Variants in HTN1 observed in about 807,000 individuals in gnomAD.
The protein encoded by HTN1 is histatin-1.
HTN1 carries 18 observed loss-of-function variants against 11.2 expected under a neutral mutation model. The observed-to-expected ratio is 1.61, with a 90% CI of 1.12 to 2.39. The LOEUF (loss-of-function observed/expected upper bound fraction) is 2.39. HTN1 is among the 30% of genes most tolerant of loss of function. The pLI is 0.00. For synonymous variants in HTN1, 21 were observed against 20.5 expected, an observed-to-expected ratio of 1.02 and a Z score of -0.07; for missense variants, 80 against 67.2, an observed-to-expected ratio of 1.19 and a Z score of -0.67.
At chr4:70,055,397 C>T (rs758661576) in intron 4 of HTN1, 101 bp from the exon 5 acceptor site, 3 of 828,634 alleles carry the variant, frequency 3.6e-6, no homozygotes, top group Non-Finnish European at 6.1e-6. Context: ...AAGGTCTTAA[C>T]AACTTTAGCA....
intron 1 of HTN1, among the ~76,000 whole-genome samples, chr4:70,051,300 A>C (rs1725886542): frequency 6.6e-6 from 1 of 152,138 alleles, no homozygotes; most frequent in Admixed American, 6.6e-5. Flanking sequence ...GTTATAATGC[A>C]AAGCATATAC....
intron 5 of HTN1, chr4:70,056,169 A>C (rs751808091): frequency 4.6e-5 from 7 of 152,012 alleles, no homozygotes; most frequent in Non-Finnish European, 1.0e-4. Flanking sequence ...ATCCTTTGTT[A>C]GCTGTATTTC....
Position 70,053,121 on chromosome 4 carries a change from C to A in HTN1, c.45C>A (p.Ser15=). ...VFALVLALMI[S]MISADSHEKR... is the part of the protein sequence containing the mutation. ...CTTTAGTCTTGGCTCTCATGATTTCCATGATTGTAAGTATATCTGGAAATT... is the reference window on the plus strand; with the variant it reads ...CTTTAGTCTTGGCTCTCATGATTTCAATGATTGTAAGTATATCTGGAAATT... The change falls in exon 2 of 6, where the codon TCC becomes TCA. Residue 15 remains serine (S), a synonymous_variant. Coordinates refer to ENST00000246896, the MANE Select transcript of HTN1 (RefSeq NM_002159.4). The A allele has an allele frequency of 1.9e-6, 3 of 1,603,386 alleles. No homozygotes were observed. The highest frequency in any genetic ancestry group is 2.6e-6 in the Non-Finnish European group (3 of 1,170,648).
At chr4:70,055,467 C>G (rs775869475) in intron 4 of HTN1, 31 bp from the exon 5 acceptor site, 6 of 1,453,030 alleles carry the variant, frequency 4.1e-6, no homozygotes, top group Non-Finnish European at 5.8e-6. Context: ...CTATTCTCTG[C>G]AATTTGCTCT....
chr4:70,058,749 A>G lies in HTN1; in HGVS notation c.*203A>G, dbSNP rs1437680660. On this transcript the variant is annotated 3_prime_UTR_variant, in exon 6 of 6. Coordinates refer to ENST00000246896, the MANE Select transcript of HTN1 (RefSeq NM_002159.4). ...TTCCCTTCCTAATTATCATTTGATT[A>G]GATACTTGCAATTTAAACTGTTAAG... 5.3e-5 allele frequency: 8 copies of G among 152,162 alleles called. No homozygotes were observed. The highest frequency in any genetic ancestry group is 1.9e-4 in the African/African-American group (8 of 41,458). 9.4% of individuals were successfully genotyped at this position (152,162 alleles called of 1,614,324 possible). A position where few individuals can be genotyped will look rare whatever the true frequency, so the allele number is the denominator to read the frequency against.
At chr4:70,056,672 A>G (rs1366381978) in intron 5 of HTN1, 1 of 152,184 alleles carries the variant, frequency 6.6e-6, no homozygotes, top group Non-Finnish European at 1.5e-5. Flanking sequence ...TCTACAAGGA[A>G]CTTAAACAAA....
intron 4 of HTN1, among the ~76,000 whole-genome samples, chr4:70,055,213 G>A (rs915105108): frequency 2.0e-5 from 3 of 152,004 alleles, no homozygotes; most frequent in Non-Finnish European, 2.9e-5. Flanking sequence ...ATATTTTAAA[G>A]AAGATTTGAA....
chr4:70,052,715 A>G (rs1196722734), intron 1 of HTN1, among the ~76,000 whole-genome samples: 6 of 151,996 alleles, frequency 3.9e-5, no homozygotes, highest in Non-Finnish European at 1.5e-5. Context: ...TTTTGAGAAG[A>G]CAAGGCAGGA....
At chr4:70,052,275 C>T (rs1165473039) in intron 1 of HTN1, among the ~76,000 whole-genome samples, 1 of 152,142 alleles carries the variant, frequency 6.6e-6, no homozygotes, top group Non-Finnish European at 1.5e-5. Flanking sequence ...AACTCTGGCT[C>T]ATAGTCACTG....
intron 5 of HTN1, 35 bp downstream of exon 5, chr4:70,055,637 T>G: frequency 1.1e-6 from 1 of 947,074 alleles, no homozygotes; most frequent in South Asian, 1.4e-5. Context: ...TTTCTAGAAG[T>G]GTCAACACTG....
chr4:70,055,911 G>A (rs1216620581), intron 5 of HTN1: 2 of 184,210 alleles, frequency 1.1e-5, no homozygotes, highest in Non-Finnish European at 2.2e-5. Context: ...GCTTACAATT[G>A]TCTTGGGTAT....
intron 5 of HTN1, chr4:70,057,336 G>A (rs1726069229): frequency 1.3e-5 from 2 of 152,120 alleles, no homozygotes; most frequent in African/African-American, 4.8e-5. Context: ...GCTGAACAGT[G>A]AGAACACGTG....
chr4:70,057,228 C>G (rs190665797), intron 5 of HTN1: 3 of 152,194 alleles, frequency 2.0e-5, no homozygotes, highest in Non-Finnish European at 2.9e-5. Context: ...GAGATCCTGT[C>G]CTTTGCAGGG....
In HTN1 at chr4:70,056,506, G is replaced by A. The variant is rs565537407; in HGVS notation, c.*33+904G>A. 3.3e-5 allele frequency: 5 copies of A among 152,222 alleles called. No individual in the cohort carries two copies. In the South Asian group the frequency reaches 1.0e-3, roughly 32 times the overall value. 9.4% of individuals were successfully genotyped at this position (152,222 alleles called of 1,614,324 possible). Reference sequence around the variant, plus strand: ...GACTTCATGTAAAAAAATGCCAAAAGCAATTGCAACAAAAGCCAAAATTGA... The same window carrying A: ...GACTTCATGTAAAAAAATGCCAAAAACAATTGCAACAAAAGCCAAAATTGA... On this transcript the variant is annotated intron_variant, in intron 5 of 5. Coordinates refer to ENST00000246896, the MANE Select transcript of HTN1 (RefSeq NM_002159.4).
Position 70,050,477 on chromosome 4 carries a change from C to T in HTN1, c.-32C>T, listed in dbSNP as rs2109723892. 1 of 152,240 alleles carries T rather than the reference C, an allele frequency of 6.6e-6. No individual in the cohort carries two copies. The highest frequency in any genetic ancestry group is 2.4e-5 in the African/African-American group (1 of 41,546). The allele number at this position is 152,240 out of a possible 1,614,324, so 9.4% of individuals were successfully genotyped here. A position where few individuals can be genotyped will look rare whatever the true frequency, so the allele number is the denominator to read the frequency against. On this transcript the variant is annotated 5_prime_UTR_variant, in exon 1 of 6. Coordinates refer to ENST00000246896, the MANE Select transcript of HTN1 (RefSeq NM_002159.4). ...CACTTCAGCTTCACTGACTTCTTGA[C>T]TCTCCTCTTGAGTAAAAGGTAATAT...
At chr4:70,054,529 T>C in intron 4 of HTN1, 79 bp downstream of exon 4, 2 of 921,538 alleles carry the variant, frequency 2.2e-6, no homozygotes, top group Non-Finnish European at 3.4e-6. Flanking sequence ...AATCAATAGT[T>C]GTCTCTCAAA....
intron 5 of HTN1, chr4:70,056,929 C>CG (rs1726058183): frequency 6.6e-6 from 1 of 152,180 alleles, no homozygotes; most frequent in South Asian, 2.1e-4. Flanking sequence ...CACTTTTACA[C>CG]TGTGTGTGAG....
In HTN1 at chr4:70,050,449, C is replaced by T. The variant is rs1315692134; in HGVS notation, c.-60C>T. ...ATATAGAAAAGGACATCTCTTGAGA[C>T]TTCACTTCAGCTTCACTGACTTCTT... On this transcript the variant is annotated 5_prime_UTR_variant, in exon 1 of 6. Coordinates refer to ENST00000246896, the MANE Select transcript of HTN1 (RefSeq NM_002159.4). The T allele has an allele frequency of 1.3e-5, 2 of 152,150 alleles. No homozygotes were observed. Among genetic ancestry groups the T allele is most frequent in the Non-Finnish European group, 1.5e-5 (1 of 68,012 alleles). 9.4% of individuals were successfully genotyped at this position (152,150 alleles called of 1,614,324 possible). A position where few individuals can be genotyped will look rare whatever the true frequency, so the allele number is the denominator to read the frequency against.
rs771496456 is a variant in HTN1 at position 70,055,612 on chromosome 4, C to A, written c.*33+10C>A. 2 of 1,232,202 alleles carry A rather than the reference C, an allele frequency of 1.6e-6. No individual in the cohort carries two copies. The highest frequency in any genetic ancestry group is 2.5e-5 in the South Asian group (2 of 81,484). The allele number at this position is 1,232,202 out of a possible 1,614,324, so 76.3% of individuals were successfully genotyped here. ...GGGCATGATTATAGAGGTAAGCTGA[C>A]TCTAGTTGCTTGTCTTTCTAGAAGT... On this transcript the variant is annotated intron_variant, in intron 5 of 5. Transcript: ENST00000246896.
Sources: gnomAD v4.1 joint callset for allele counts (sites outside exome capture counted in the v4.1 genomes callset) on GRCh38, gnomAD v4.1.1 for gene constraint, MANE v1.5 for transcripts, NCBI Gene and HGNC (gene_info 2026-07-23, HGNC 2026-07-21) for gene names.